The following EPHB1 variants were observed in gnomAD, a reference collection of about 807,000 sequenced individuals.
The protein encoded by EPHB1 is ephrin type-B receptor 1.
A neutral mutation model predicts 94.4 loss-of-function variants in EPHB1; 30 were observed. That is an observed-to-expected ratio of 0.32 (90% confidence interval 0.24 to 0.43). EPHB1 has a LOEUF of 0.43. Ranked by LOEUF, EPHB1 falls within the 20% of genes least tolerant of loss-of-function variation. The pLI is 1.00. For synonymous variants in EPHB1, 522 were observed against 489.1 expected (o/e 1.07, Z -0.89); for missense variants, 1,055 against 1,308.3 (o/e 0.81, Z 2.99).
At chr3:135,039,038 A>T (rs1936741076) in intron 3 of EPHB1, among the ~76,000 whole-genome samples, 1 of 152,168 alleles carries the variant, frequency 6.6e-6, no homozygotes, top group Admixed American at 6.5e-5. Context: ...GTTTCGACAC[A>T]CAGGTTCTCC....
rs1379564148 is a variant in EPHB1 at position 134,795,573 on chromosome 3, G to A, written c.-59G>A. ...AGAGCGCAGCGGCGCCCTGGGACGC[G>A]GCGCTCTCCCGGCGCTGCTGCCTCG... On this transcript the variant is annotated 5_prime_UTR_variant, in exon 1 of 16. Transcript: ENST00000398015. The A allele has an allele frequency of 1.9e-5, 29 of 1,546,076 alleles. 1 individual carries two copies. The highest frequency in any genetic ancestry group is 2.3e-5 in the Non-Finnish European group (26 of 1,132,476).
At chr3:135,053,092 G>A (rs1937241283) in intron 3 of EPHB1, among the ~76,000 whole-genome samples, 1 of 132,126 alleles carries the variant, frequency 7.6e-6, no homozygotes, top group African/African-American at 3.0e-5. Flanking sequence ...TGTCACCTTG[G>A]GAGTCCATGG....
At chr3:134,833,221 A>T (rs578123592) in intron 1 of EPHB1, among the ~76,000 whole-genome samples, 150 of 152,208 alleles carry the variant, frequency 9.9e-4, no homozygotes, top group African/African-American at 3.3e-3. Flanking sequence ...GGACAAATCC[A>T]CCTAGACTCC....
At chr3:134,814,749 G>C (rs752193424) in intron 1 of EPHB1, among the ~76,000 whole-genome samples, 3 of 152,218 alleles carry the variant, frequency 2.0e-5, no homozygotes, top group Admixed American at 6.5e-5. Flanking sequence ...TGCGTCCCAA[G>C]TCCCAGGGTC....
intron 3 of EPHB1, among the ~76,000 whole-genome samples, chr3:135,103,919 C>A (rs1014564308): frequency 6.6e-6 from 1 of 152,212 alleles, no homozygotes; most frequent in Non-Finnish European, 1.5e-5. Context: ...GAGGCACTTT[C>A]CACATCCCCC....
intron 3 of EPHB1, among the ~76,000 whole-genome samples, chr3:135,074,593 C>T (rs988206253): frequency 2.6e-5 from 4 of 152,182 alleles, no homozygotes; most frequent in Non-Finnish European, 4.4e-5. Flanking sequence ...AATATGTTAT[C>T]GAAACCTGCT....
chr3:135,151,216 C>T (rs6764768), intron 5 of EPHB1, among the ~76,000 whole-genome samples: 40,395 of 151,996 alleles, frequency 0.27, 5,618 homozygotes, highest in African/African-American at 0.34. Context: ...ATTACATCAC[C>T]GTGCCTTGTT....
chr3:135,130,354 C>G (rs548431045), intron 4 of EPHB1, among the ~76,000 whole-genome samples: 1 of 152,134 alleles, frequency 6.6e-6, no homozygotes, highest in Non-Finnish European at 1.5e-5. Flanking sequence ...GAATTGTGTT[C>G]CCTGGATTTG....
At chr3:134,916,402 A>C (rs1228909750) in intron 1 of EPHB1, among the ~76,000 whole-genome samples, 1 of 152,164 alleles carries the variant, frequency 6.6e-6, no homozygotes, top group Non-Finnish European at 1.5e-5. Flanking sequence ...ACCGTGGAGC[A>C]GGGGGCGGTG....
chr3:135,193,775 T>C (rs1157421805), intron 11 of EPHB1, among the ~76,000 whole-genome samples: 1 of 152,246 alleles, frequency 6.6e-6, no homozygotes, highest in East Asian at 1.9e-4. Flanking sequence ...TTCTGGATGC[T>C]GTGCCTATAG....
At chr3:134,844,019 T>G (rs2036824297) in intron 1 of EPHB1, among the ~76,000 whole-genome samples, 1 of 152,196 alleles carries the variant, frequency 6.6e-6, no homozygotes, top group Admixed American at 6.5e-5. Flanking sequence ...CAACTCTGAG[T>G]GTTATTTTTT....
At chr3:134,855,352 A>C (rs1167227735) in intron 1 of EPHB1, among the ~76,000 whole-genome samples, 4 of 152,192 alleles carry the variant, frequency 2.6e-5, no homozygotes, top group African/African-American at 7.2e-5. Context: ...GGGGTGATGG[A>C]ACTGCCCTGC....
intron 12 of EPHB1, among the ~76,000 whole-genome samples, chr3:135,213,299 T>C (rs2107716893): frequency 6.6e-6 from 1 of 152,380 alleles, no homozygotes; most frequent in Non-Finnish European, 1.5e-5. Context: ...TAAGGAATAG[T>C]TCTGAACTGC....
chr3:134,934,164 T>G (rs967366341), intron 2 of EPHB1, among the ~76,000 whole-genome samples: 2 of 152,158 alleles, frequency 1.3e-5, no homozygotes, highest in Non-Finnish European at 2.9e-5. Context: ...ACATCCTCCA[T>G]AATTGCACTC....
intron 12 of EPHB1, among the ~76,000 whole-genome samples, chr3:135,207,806 G>A (rs1942938426): frequency 6.6e-6 from 1 of 152,140 alleles, no homozygotes. Context: ...AGGGATGGTT[G>A]GATTCTTATT....
intron 3 of EPHB1, among the ~76,000 whole-genome samples, chr3:134,952,803 A>G (rs1163299561): frequency 6.6e-6 from 1 of 152,212 alleles, no homozygotes; most frequent in Non-Finnish European, 1.5e-5. Flanking sequence ...CCCATATTCA[A>G]CATGTGGCAA....
intron 15 of EPHB1, among the ~76,000 whole-genome samples, chr3:135,257,884 C>G (rs1003081894): frequency 5.9e-5 from 9 of 151,814 alleles, no homozygotes; most frequent in African/African-American, 1.9e-4. Context: ...GCATAGGACC[C>G]TCCGAGCCAG....
At chr3:134,975,513 A>G (rs1186116202) in intron 3 of EPHB1, among the ~76,000 whole-genome samples, 1 of 152,158 alleles carries the variant, frequency 6.6e-6, no homozygotes, top group Non-Finnish European at 1.5e-5. Context: ...CATCAGAGAC[A>G]GCCTCCCAGG....
chr3:135,101,897 A>T (rs1939048802), intron 3 of EPHB1, among the ~76,000 whole-genome samples: 1 of 152,156 alleles, frequency 6.6e-6, no homozygotes, highest in African/African-American at 2.4e-5. Context: ...CATAGCACAG[A>T]TCCTGCTGTA....
Sources: gnomAD v4.1 joint callset for allele counts (sites outside exome capture counted in the v4.1 genomes callset) on GRCh38, gnomAD v4.1.1 for gene constraint, MANE v1.5 for transcripts, NCBI Gene and HGNC (gene_info 2026-07-23, HGNC 2026-07-21) for gene names.